The following TPRG1 variants were observed in gnomAD, a reference collection of about 807,000 sequenced individuals.
The protein encoded by TPRG1 is tumor protein p63-regulated gene 1 protein.
A neutral mutation model predicts 29.3 loss-of-function variants in TPRG1; 29 were observed. The ratio of observed to expected loss-of-function variants is 0.99; its 90% CI spans 0.74 to 1.35. The LOEUF is 1.35. TPRG1 is among the 40% of genes most tolerant of loss of function. The pLI, the probability that TPRG1 is intolerant of heterozygous loss-of-function variation, is 0.00. For missense variants in TPRG1, 327 were observed against 335.0 expected (o/e 0.98, Z 0.19); for synonymous variants, 130 against 116.8 (o/e 1.11, Z -0.73).
intron 1 of TPRG1, among the ~76,000 whole-genome samples, chr3:189,183,097 G>A (rs549838620): frequency 4.6e-5 from 7 of 152,120 alleles, no homozygotes; most frequent in Admixed American, 4.6e-4. Context: ...AGTCACGTAG[G>A]TTCTTTTCCA....
intron 1 of TPRG1, chr3:189,121,430 C>CT (rs1251986279): frequency 8.5e-5 from 13 of 152,162 alleles, no homozygotes; most frequent in African/African-American, 3.1e-4. Flanking sequence ...CCCTCCTTCT[C>CT]TTTTTTATGT....
chr3:189,195,886 T>A (rs550041106), intron 1 of TPRG1, among the ~76,000 whole-genome samples: 1 of 152,326 alleles, frequency 6.6e-6, no homozygotes, highest in Admixed American at 6.5e-5. Context: ...TTACCAGGGT[T>A]TCTGTTACTC....
intron 4 of TPRG1, among the ~76,000 whole-genome samples, chr3:189,276,400 G>A (rs1297335652): frequency 6.6e-6 from 1 of 152,180 alleles, no homozygotes. Flanking sequence ...TAGGCATGTG[G>A]CAGTCAGGAG....
chr3:189,292,273 T>G (rs1403775266), intron 4 of TPRG1, among the ~76,000 whole-genome samples: 1 of 148,636 alleles, frequency 6.7e-6, no homozygotes, highest in African/African-American at 2.5e-5. Context: ...GGACTCAATG[T>G]AATTTTCTGA....
intron 4 of TPRG1, among the ~76,000 whole-genome samples, chr3:189,058,599 A>G (rs1350628323): frequency 2.0e-5 from 3 of 152,232 alleles, no homozygotes; most frequent in Admixed American, 2.0e-4. Flanking sequence ...TATAGTCTCC[A>G]CAAAGAAGGG....
intron 4 of TPRG1, among the ~76,000 whole-genome samples, chr3:189,068,800 A>C (rs553262668): frequency 6.6e-6 from 1 of 151,288 alleles, no homozygotes; most frequent in East Asian, 2.0e-4. Context: ...GGAAGGAAGG[A>C]AGGGAGGGAG....
chr3:189,161,859 C>T (rs921013914), intron 5 of TPRG1, among the ~76,000 whole-genome samples: 1 of 152,076 alleles, frequency 6.6e-6, no homozygotes, highest in Non-Finnish European at 1.5e-5. Context: ...AGGCAGATAG[C>T]TTCTGAATAG....
At chr3:189,156,270 C>G (rs1050549358) in intron 5 of TPRG1, among the ~76,000 whole-genome samples, 2 of 151,758 alleles carry the variant, frequency 1.3e-5, no homozygotes, top group African/African-American at 4.8e-5. Flanking sequence ...CTTCTAGAAG[C>G]CGAAAAAATC....
intron 4 of TPRG1, among the ~76,000 whole-genome samples, chr3:189,027,196 A>G (rs1035617449): frequency 6.6e-6 from 1 of 152,214 alleles, no homozygotes; most frequent in African/African-American, 2.4e-5. Context: ...TTTTCAGTTA[A>G]TAACTTCTGT....
intron 1 of TPRG1, among the ~76,000 whole-genome samples, chr3:189,185,892 A>G (rs916851036): frequency 3.9e-5 from 6 of 152,170 alleles, no homozygotes; most frequent in Non-Finnish European, 8.8e-5. Context: ...ACAAAGCATT[A>G]TTCTGTAGAT....
chr3:189,115,214 T>A (rs1211845982), intron 1 of TPRG1, among the ~76,000 whole-genome samples: 3 of 152,234 alleles, frequency 2.0e-5, no homozygotes, highest in Non-Finnish European at 4.4e-5. Flanking sequence ...TAAATTTTTG[T>A]CAGTTCTGGA....
At chr3:189,287,983 T>A (rs1042894974) in intron 4 of TPRG1, among the ~76,000 whole-genome samples, 3 of 151,790 alleles carry the variant, frequency 2.0e-5, no homozygotes, top group East Asian at 1.9e-4. Context: ...ATTAAAAAAA[T>A]TTAAGTTAAT....
intron 4 of TPRG1, among the ~76,000 whole-genome samples, chr3:189,304,363 G>A (rs1721300581): frequency 6.6e-6 from 1 of 152,098 alleles, no homozygotes; most frequent in Non-Finnish European, 1.5e-5. Flanking sequence ...ACACCACAAT[G>A]CCCCTGAATC....
chr3:189,095,287 C>T (rs942669747), upstream of TPRG1, among the ~76,000 whole-genome samples: 1 of 152,040 alleles, frequency 6.6e-6, no homozygotes, highest in African/African-American at 2.4e-5. Flanking sequence ...TAATGATGAA[C>T]AAAGGGAGAG....
chr3:189,062,644 T>C (rs914178793), intron 4 of TPRG1, among the ~76,000 whole-genome samples: 2 of 151,988 alleles, frequency 1.3e-5, no homozygotes, highest in Non-Finnish European at 2.9e-5. Context: ...TGGACCTAAA[T>C]TAAAGGGAGG....
chr3:189,063,343 G>GT (rs1367909014), intron 4 of TPRG1, among the ~76,000 whole-genome samples: 1 of 152,080 alleles, frequency 6.6e-6, no homozygotes, highest in East Asian at 1.9e-4. Context: ...GCAACTGATA[G>GT]AACTCCTAGA....
intron 4 of TPRG1, among the ~76,000 whole-genome samples, chr3:189,299,942 A>T (rs1181503830): frequency 6.6e-6 from 1 of 152,188 alleles, no homozygotes; most frequent in East Asian, 1.9e-4. Flanking sequence ...TGGCTGAGAA[A>T]GTGTTTCTGA....
At chr3:189,181,093 G>A (rs571031298) in intron 1 of TPRG1, among the ~76,000 whole-genome samples, 14 of 152,272 alleles carry the variant, frequency 9.2e-5, no homozygotes, top group Admixed American at 2.0e-4. Flanking sequence ...GGAGTGGCTA[G>A]CACACAGGGC....
At chr3:189,310,913 G>A (rs897067191) in intron 5 of TPRG1, among the ~76,000 whole-genome samples, 8 of 152,238 alleles carry the variant, frequency 5.3e-5, no homozygotes, top group African/African-American at 1.4e-4. Flanking sequence ...GGTCATGCTC[G>A]ATTAAGTCAC....
Sources: gnomAD v4.1 joint callset for allele counts (sites outside exome capture counted in the v4.1 genomes callset) on GRCh38, gnomAD v4.1.1 for gene constraint, MANE v1.5 for transcripts, NCBI Gene and HGNC (gene_info 2026-07-23, HGNC 2026-07-21) for gene names.